Variants in LRPPRC observed in about 807,000 individuals in gnomAD.
LRPPRC encodes leucine rich pentatricopeptide repeat containing, also known as leucine-rich PPR motif-containing protein, mitochondrial.
A neutral mutation model predicts 180.3 loss-of-function variants in LRPPRC; 120 were observed. That is an observed-to-expected ratio of 0.67 (90% CI 0.57 to 0.77). The LOEUF is 0.77. LRPPRC is among the 30% of genes least tolerant of loss of function. The pLI is 0.00. For synonymous variants in LRPPRC, 723 were observed against 600.0 expected (o/e 1.21, Z -3.00); for missense variants, 2,012 against 1,657.2 (o/e 1.21, Z -3.72).
intron 36 of LRPPRC, chr2:43,892,768 C>T (rs957317990): frequency 1.3e-5 from 2 of 151,390 alleles, no homozygotes; most frequent in Non-Finnish European, 2.9e-5. Context: ...AAAGATGACA[C>T]GCAAATGTGT....
intron 27 of LRPPRC, among the ~76,000 whole-genome samples, chr2:43,923,929 G>C (rs1159016644): frequency 6.6e-6 from 1 of 152,046 alleles, no homozygotes; most frequent in Non-Finnish European, 1.5e-5. Flanking sequence ...TAAAATACAG[G>C]TTTTTAATTC....
rs905171673 is a variant in LRPPRC, at chr2:43,946,334, G to A, written c.2080-91C>T. 3 of 938,838 alleles carry A rather than the reference G, an allele frequency of 3.2e-6. No homozygotes were observed. The African/African-American group carries it at 4.9e-5, about 15-fold the overall frequency. The allele number at this position is 938,838 out of a possible 1,614,324, so 58.2% of individuals were successfully genotyped here. A position where few individuals can be genotyped will look rare whatever the true frequency, so the allele number is the denominator to read the frequency against. On this transcript the variant is annotated intron_variant, in intron 20 of 37. Coordinates refer to ENST00000260665, the MANE Select transcript of LRPPRC (RefSeq NM_133259.4). Reference sequence around the variant, plus strand: ...CTTTACTGTTCAGAGTTTAGAAAAAGTTAATAGTACTTTAAAAATAAATGG... The same window carrying A: ...CTTTACTGTTCAGAGTTTAGAAAAAATTAATAGTACTTTAAAAATAAATGG...
In LRPPRC at chr2:43,960,513, A is replaced by G. The variant is rs62135104; in HGVS notation, c.1582+28T>C. On this transcript the variant is annotated intron_variant, in intron 13 of 37. Transcript: ENST00000260665. ...ATAGTAACTGAAATAAACATCTATC[A>G]AGTTTACCGCTAATGTTGTATACTT... 108,520 of 1,174,122 alleles carry G rather than the reference A, an allele frequency of 0.092. 6,016 individuals carry two copies. The highest frequency in any genetic ancestry group is 0.15 in the South Asian group (12,418 of 82,328). 72.7% of individuals were successfully genotyped at this position (1,174,122 alleles called of 1,614,324 possible). A position where few individuals can be genotyped will look rare whatever the true frequency, so the allele number is the denominator to read the frequency against.
At chr2:43,929,322 G>A (rs1026121335) in intron 25 of LRPPRC, among the ~76,000 whole-genome samples, 3 of 152,038 alleles carry the variant, frequency 2.0e-5, no homozygotes, top group Non-Finnish European at 2.9e-5. Context: ...TATGTACTTC[G>A]TTACTTCGTA....
chr2:43,994,605 C>CTGTGCAGTG (rs1553416479), intron 1 of LRPPRC, among the ~76,000 whole-genome samples: 1 of 152,072 alleles, frequency 6.6e-6, no homozygotes, highest in Middle Eastern at 3.2e-3. Context: ...AGGCTGCAGT[C>CTGTGCAGTG]TGGGCCCAGC....
At chr2:43,964,636 A>C (rs1434473437) in intron 11 of LRPPRC, among the ~76,000 whole-genome samples, 1 of 152,208 alleles carries the variant, frequency 6.6e-6, no homozygotes, top group Non-Finnish European at 1.5e-5. Context: ...AGAAAAACAC[A>C]AGCAAGTCTA....
intron 25 of LRPPRC, among the ~76,000 whole-genome samples, chr2:43,927,658 TACA>T (rs1671936658): frequency 1.3e-5 from 2 of 152,234 alleles, no homozygotes; most frequent in South Asian, 4.1e-4. Flanking sequence ...TACGGTCACT[TACA>T]ACTTTCAATA....
chr2:43,911,907 CT>C (rs1186472857), intron 30 of LRPPRC, among the ~76,000 whole-genome samples: 1 of 152,118 alleles, frequency 6.6e-6, no homozygotes, highest in Non-Finnish European at 1.5e-5. Context: ...TATGTTTTCT[CT>C]ACTTCACTCT....
chr2:43,966,406 G>T (rs919408325), intron 11 of LRPPRC, among the ~76,000 whole-genome samples: 1 of 140,808 alleles, frequency 7.1e-6, no homozygotes, highest in Non-Finnish European at 1.6e-5. Flanking sequence ...AAGTGTTCTG[G>T]CCACAATATT....
At chr2:43,953,416 C>T (rs941480497) in intron 14 of LRPPRC, among the ~76,000 whole-genome samples, 1 of 152,096 alleles carries the variant, frequency 6.6e-6, no homozygotes, top group African/African-American at 2.4e-5. Flanking sequence ...GGAAGGAATC[C>T]GCTTAAACTT....
At chr2:43,923,372 C>G (rs6737767) in intron 27 of LRPPRC, among the ~76,000 whole-genome samples, 105,428 of 152,032 alleles carry the variant, frequency 0.69, 38,148 homozygotes, top group East Asian at 0.98. Flanking sequence ...CATGCCTGTA[C>G]TCCCAACTAC....
rs775339062 is a variant in LRPPRC at position 43,925,197 on chromosome 2, A to T, written c.2806-40T>A. 14 of 1,014,044 alleles carry T rather than the reference A, an allele frequency of 1.4e-5. No individual in the cohort carries two copies. In the Admixed American group the frequency reaches 1.5e-4, roughly 11 times the overall value. 62.8% of individuals were successfully genotyped at this position (1,014,044 alleles called of 1,614,324 possible). On this transcript the variant is annotated intron_variant, in intron 26 of 37. Coordinates refer to ENST00000260665, the MANE Select transcript of LRPPRC (RefSeq NM_133259.4). ...TAAGAGATAGATCTACCTTGTGTAA[A>T]GGATGTATTTTACAGTTAACAAATA...
In LRPPRC at chr2:43,888,665, G is replaced by T. The variant is rs759473064; in HGVS notation, c.4129-9C>A. The T allele has an allele frequency of 6.5e-7, 1 of 1,528,840 alleles. No individual in the cohort carries two copies. The highest frequency in any genetic ancestry group is 1.4e-5 in the African/African-American group (1 of 73,386). 94.7% of individuals were successfully genotyped at this position (1,528,840 alleles called of 1,614,324 possible). A position where few individuals can be genotyped will look rare whatever the true frequency, so the allele number is the denominator to read the frequency against. ...TAAAATTCAAAGCTTTCCTGTTAAGGAGAAAAAAAGAGGGAAGTTAGAGAT... is the reference window on the plus strand; with the variant it reads ...TAAAATTCAAAGCTTTCCTGTTAAGTAGAAAAAAAGAGGGAAGTTAGAGAT... On this transcript the variant is annotated splice_polypyrimidine_tract_variant and intron_variant, in intron 37 of 37. Transcript: ENST00000260665.
At chr2:43,930,204 ACCGTGATGG>A (rs2105051381) in intron 25 of LRPPRC, among the ~76,000 whole-genome samples, 1 of 152,254 alleles carries the variant, frequency 6.6e-6, no homozygotes, top group East Asian at 1.9e-4. Flanking sequence ...CTCCGGCTGC[ACCGTGATGG>A]AAAGGCAAAA....
At chr2:43,955,572 T>C (rs1056958730) in intron 14 of LRPPRC, among the ~76,000 whole-genome samples, 2 of 151,788 alleles carry the variant, frequency 1.3e-5, no homozygotes, top group Admixed American at 6.6e-5. Context: ...ATCCCGTCTC[T>C]ACAAAAAAAT....
intron 1 of LRPPRC, among the ~76,000 whole-genome samples, chr2:43,992,512 CCTT>C (rs1446543163): frequency 1.3e-5 from 2 of 152,180 alleles, no homozygotes; most frequent in Non-Finnish European, 2.9e-5. Flanking sequence ...GTCTGGATCT[CCTT>C]CTGGACCCAA....
At chr2:43,991,365 T>G (rs112228327) in intron 1 of LRPPRC, among the ~76,000 whole-genome samples, 41 of 152,222 alleles carry the variant, frequency 2.7e-4, no homozygotes, top group African/African-American at 8.9e-4. Flanking sequence ...TGCAGAAGAT[T>G]TTTCTAAAAT....
intron 25 of LRPPRC, 37 bp from the exon 26 acceptor site, chr2:43,925,998 G>C: frequency 8.4e-7 from 1 of 1,194,210 alleles, no homozygotes; most frequent in Non-Finnish European, 1.3e-6. Flanking sequence ...CCCAAGGTAA[G>C]GCTTCGGCTG....
At chr2:43,984,958 C>T (rs1674462861) in intron 1 of LRPPRC, among the ~76,000 whole-genome samples, 1 of 151,698 alleles carries the variant, frequency 6.6e-6, no homozygotes, top group Admixed American at 6.6e-5. Flanking sequence ...CTTGTAAAAT[C>T]TACCATTTAA....
Sources: allele counts gnomAD v4.1 joint callset (sites outside exome capture counted in the v4.1 genomes callset), GRCh38; gene constraint gnomAD v4.1.1; transcripts MANE v1.5; gene names NCBI Gene and HGNC (gene_info 2026-07-23, HGNC 2026-07-21).